The following ZNF320 variants were observed in gnomAD, a reference collection of about 807,000 sequenced individuals.
The protein encoded by ZNF320 is zinc finger gene 320.
Under a neutral mutation model 6.8 loss-of-function variants are expected in ZNF320, and 2 were observed. That is an observed-to-expected ratio of 0.29 (90% confidence interval 0.12 to 0.93). The LOEUF (loss-of-function observed/expected upper bound fraction) is 0.93. ZNF320 is among the 40% of genes least tolerant of loss of function. ZNF320 has a pLI of 0.55. For missense variants in ZNF320, 472 were observed against 611.0 expected (o/e 0.77, Z 2.40); for synonymous variants, 208 against 203.2 (o/e 1.02, Z -0.20).
chr19:52,862,808 GA>G (rs1428046688), exon 6 of ZNF320: 4 of 342,802 alleles, frequency 1.2e-5, no homozygotes, highest in Non-Finnish European at 6.0e-6. Context: ...ATCTGCAACT[GA>G]AAACGTTGTC....
chr19:52,904,086 A>T, the ZNF320 span, among the ~76,000 whole-genome samples: 1 of 152,150 alleles, frequency 6.6e-6, no homozygotes, highest in South Asian at 2.1e-4. Flanking sequence ...GGAGTGGGGC[A>T]AGTTCCAAAG....
intron 2 of ZNF320, chr19:52,893,400 C>T (rs1225468626): frequency 6.7e-6 from 1 of 150,200 alleles, no homozygotes; most frequent in African/African-American, 2.5e-5. Context: ...CCTGTAATCC[C>T]AGCACTTTGG....
upstream of ZNF320, among the ~76,000 whole-genome samples, chr19:52,901,872 C>T (rs1050721792): frequency 6.6e-6 from 1 of 151,956 alleles, no homozygotes; most frequent in East Asian, 1.9e-4. Context: ...GGCTACTGGC[C>T]TTGGCCAGGG....
At position 52,881,288 on chromosome 19, in the gene ZNF320, T is replaced by A. The variant is rs1481451248; in HGVS notation, c.838A>T (p.Lys280Ter). 1 of 1,614,178 alleles carries A rather than the reference T, an allele frequency of 6.2e-7. No homozygotes were observed. The highest frequency in any genetic ancestry group is 1.1e-5 in the South Asian group (1 of 91,084). ...EKPYKCNECG[K>*]TFARNSVLVI... The stretch of plus-strand genomic sequence containing the variant: ...AGGACTGAATTTCGAGCGAAGGTCT[T>A]GCCACACTCATTACATTTGTAAGGT... The change falls in exon 6 of 6, where the codon AAG (lysine) becomes TAG (stop). Residue 280 changes from lysine (K) to a stop codon, truncating the protein, a stop_gained. Coordinates refer to ENST00000682928, the MANE Select transcript of ZNF320 (RefSeq NM_001351774.2). LOFTEE classifies it low-confidence loss of function (END_TRUNC).
At chr19:52,882,666 G>T (rs1313197743) in intron 5 of ZNF320, among the ~76,000 whole-genome samples, 2 of 151,490 alleles carry the variant, frequency 1.3e-5, no homozygotes, top group African/African-American at 2.5e-5. Flanking sequence ...AAAAAGGCAG[G>T]GGGTGGTGGC....
chr19:52,895,146 CA>C (rs1202011418), intron 1 of ZNF320: 1 of 152,134 alleles, frequency 6.6e-6, no homozygotes, highest in Non-Finnish European at 1.5e-5. Context: ...CTACTTGAAC[CA>C]AATTTTGATG....
In ZNF320 at chr19:52,865,324, A is replaced by AATAT. The variant is rs539862806; in HGVS notation, c.224-1169_224-1166dup. ...GTGAGAAGAACGGTACCCCATTTCA[A>AATAT]ATATATATATATGGTCTGGAGGGAC... On this transcript the variant is annotated intron_variant, in intron 5 of 5. Transcript: ENST00000673631. The AATAT allele has an allele frequency of 3.1e-4, 91 of 289,784 alleles. 1 individual carries two copies. Among genetic ancestry groups the AATAT allele is most frequent in the African/African-American group, 2.0e-3 (86 of 42,474 alleles). The allele number at this position is 289,784 out of a possible 1,614,324, so 18.0% of individuals were successfully genotyped here.
chr19:52,897,089 T>A (rs988081298), intron 1 of ZNF320, among the ~76,000 whole-genome samples: 2 of 152,202 alleles, frequency 1.3e-5, no homozygotes, highest in Non-Finnish European at 2.9e-5. Context: ...TCTAAACGGG[T>A]CCCCGGAGAC....
downstream of ZNF320, among the ~76,000 whole-genome samples, chr19:52,875,030 T>C (rs1175172278): frequency 6.6e-6 from 1 of 152,152 alleles, no homozygotes; most frequent in Non-Finnish European, 1.5e-5. Flanking sequence ...GAAACATTTT[T>C]CTCCCACACC....
intron 2 of ZNF320, chr19:52,892,005 C>T (rs1049425654): frequency 6.6e-6 from 1 of 152,160 alleles, no homozygotes; most frequent in African/African-American, 2.4e-5. Context: ...ACATTTAATT[C>T]TTCTTACAAG....
intron 5 of ZNF320, among the ~76,000 whole-genome samples, chr19:52,868,989 T>C (rs929553553): frequency 2.0e-5 from 3 of 152,028 alleles, no homozygotes; most frequent in African/African-American, 7.2e-5. Flanking sequence ...ACAAAGTCAA[T>C]AGGCTGGTAT....
chr19:52,894,823 G>A (rs2064422595), intron 1 of ZNF320: 1 of 152,200 alleles, frequency 6.6e-6, no homozygotes, highest in Admixed American at 6.6e-5. Flanking sequence ...AGTGAGCCAA[G>A]ATCACACCAC....
chr19:52,901,005 T>A (rs1010479504), upstream of ZNF320, among the ~76,000 whole-genome samples: 1 of 152,158 alleles, frequency 6.6e-6, no homozygotes, highest in African/African-American at 2.4e-5. Flanking sequence ...AAGCATCAAA[T>A]TTTAAGGTTA....
upstream of ZNF320, among the ~76,000 whole-genome samples, chr19:52,900,411 C>A (rs1005386675): frequency 6.6e-6 from 1 of 152,044 alleles, no homozygotes; most frequent in Admixed American, 6.6e-5. Flanking sequence ...TTCTTTTGGG[C>A]TGGGAATTCA....
upstream of ZNF320, among the ~76,000 whole-genome samples, chr19:52,901,290 C>T (rs1398216280): frequency 6.6e-6 from 1 of 152,158 alleles, no homozygotes; most frequent in Non-Finnish European, 1.5e-5. Context: ...GATGTAGATA[C>T]TGGAAACAGT....
rs777836837 is a variant in ZNF320 at position 52,881,126 on chromosome 19, A to T, written c.1000T>A (p.Cys334Ser). ...TGEKPYRCEECDKVFSRKSHL... is the reference protein window; with the variant it reads ...TGEKPYRCEESDKVFSRKSHL... Reference sequence around the variant, plus strand: ...GATTTGCGACTGAAAACTTTGTCGCATTCTTCACATCTGTAAGGTTTCTCT... The same window carrying T: ...GATTTGCGACTGAAAACTTTGTCGCTTTCTTCACATCTGTAAGGTTTCTCT... Residue 334 changes from cysteine (C) to serine (S), a missense_variant, in exon 6 of 6, where the codon TGC (cysteine) becomes AGC (serine). Physicochemically the swap from Cys to Ser is moderately radical, Grantham distance 112 (BLOSUM62 -1). Transcript: ENST00000682928. 6.2e-7 allele frequency: 1 copy of T among 1,614,180 alleles called. No homozygotes were observed. Among genetic ancestry groups the T allele is most frequent in the South Asian group, 1.1e-5 (1 of 91,080 alleles).
At chr19:52,892,787 C>T (rs1169004840) in intron 2 of ZNF320, among the ~76,000 whole-genome samples, 4 of 151,596 alleles carry the variant, frequency 2.6e-5, no homozygotes, top group Non-Finnish European at 5.9e-5. Flanking sequence ...ACCCCAGATC[C>T]CCAGGTGTCC....
intron 5 of ZNF320, among the ~76,000 whole-genome samples, chr19:52,865,924 TATG>T (rs1421228354): frequency 3.3e-3 from 309 of 93,542 alleles, no homozygotes; most frequent in Non-Finnish European, 3.5e-3. Context: ...TATATTTATA[TATG>T]ATTATACACA....
exon 6 of ZNF320, chr19:52,862,623 T>C (rs1286920915): frequency 1.6e-5 from 8 of 515,868 alleles, no homozygotes; most frequent in Non-Finnish European, 2.7e-5. Context: ...TGATGGTGAA[T>C]AGGCGATGCC....
Sources: allele counts gnomAD v4.1 joint callset (sites outside exome capture counted in the v4.1 genomes callset), GRCh38; gene constraint gnomAD v4.1.1; transcripts MANE v1.5; gene names NCBI Gene and HGNC (gene_info 2026-07-23, HGNC 2026-07-21).